The following KCTD16 variants were observed in gnomAD, a reference collection of about 807,000 sequenced individuals.
KCTD16 encodes BTB/POZ domain-containing protein KCTD16.
Under a neutral mutation model 33.2 loss-of-function variants are expected in KCTD16, and 13 were observed. That is an observed-to-expected ratio of 0.39 (90% CI 0.25 to 0.62). The LOEUF (loss-of-function observed/expected upper bound fraction) is 0.62, where lower values mean the gene tolerates loss of function less well. Among genes scored for constraint, KCTD16 ranks in the 20% least tolerant of loss-of-function variants. KCTD16 has a pLI of 0.50. For missense variants in KCTD16, 441 were observed against 525.1 expected, an observed-to-expected ratio of 0.84 and a Z score of 1.57; for synonymous variants, 197 against 195.3, an observed-to-expected ratio of 1.01 and a Z score of -0.07.
At chr5:144,171,976 C>A (rs1252689288) in intron 1 of KCTD16, among the ~76,000 whole-genome samples, 1 of 152,128 alleles carries the variant, frequency 6.6e-6, no homozygotes, top group African/African-American at 2.4e-5. Context: ...GGGTTTATAG[C>A]AATAAAATTT....
intron 3 of KCTD16, among the ~76,000 whole-genome samples, chr5:144,393,166 C>T (rs1752489402): frequency 6.6e-6 from 1 of 152,154 alleles, no homozygotes; most frequent in Non-Finnish European, 1.5e-5. Flanking sequence ...TATAGCTCAT[C>T]ACTGTTGCCC....
intron 3 of KCTD16, among the ~76,000 whole-genome samples, chr5:144,310,488 T>C (rs1751734243): frequency 6.6e-6 from 1 of 152,140 alleles, no homozygotes. Context: ...CTGTTTTCTA[T>C]AGTGGCTATG....
intron 3 of KCTD16, among the ~76,000 whole-genome samples, chr5:144,258,997 G>A (rs1369490280): frequency 6.6e-6 from 1 of 152,070 alleles, no homozygotes. Flanking sequence ...GGTGGCTCAC[G>A]CCTGTAATAC....
At chr5:144,468,562 T>A (rs1023060966) in intron 3 of KCTD16, among the ~76,000 whole-genome samples, 6 of 152,238 alleles carry the variant, frequency 3.9e-5, no homozygotes, top group African/African-American at 1.4e-4. Flanking sequence ...TCTCATAGCC[T>A]GCCTATTCCC....
At chr5:144,455,693 G>A (rs1168881310) in intron 3 of KCTD16, among the ~76,000 whole-genome samples, 1 of 152,192 alleles carries the variant, frequency 6.6e-6, no homozygotes, top group Non-Finnish European at 1.5e-5. Flanking sequence ...TAGCAGGAGG[G>A]TGGAGGAATG....
intron 3 of KCTD16, among the ~76,000 whole-genome samples, chr5:144,386,819 A>G (rs1752334184): frequency 2.0e-5 from 3 of 152,244 alleles, no homozygotes; most frequent in Non-Finnish European, 4.4e-5. Context: ...CTCAGAACTA[A>G]CAATAACAAC....
intron 3 of KCTD16, among the ~76,000 whole-genome samples, chr5:144,329,916 A>G (rs139301542): frequency 9.8e-5 from 15 of 152,322 alleles, no homozygotes; most frequent in East Asian, 1.9e-4. Flanking sequence ...TGAAATTCTC[A>G]TAGGTGGTTT....
chr5:144,383,131 C>A (rs952691622), intron 3 of KCTD16: 1 of 152,120 alleles, frequency 6.6e-6, no homozygotes, highest in Non-Finnish European at 1.5e-5. Flanking sequence ...TTCCCTGGTA[C>A]CTCACAGGTA....
At chr5:144,436,350 T>C (rs1438763060) in intron 3 of KCTD16, among the ~76,000 whole-genome samples, 6 of 152,154 alleles carry the variant, frequency 3.9e-5, no homozygotes, top group African/African-American at 1.4e-4. Flanking sequence ...ACTTAGGATT[T>C]AATTTTTAGG....
At chr5:144,271,860 A>G (rs769893522) in intron 3 of KCTD16, among the ~76,000 whole-genome samples, 2 of 152,124 alleles carry the variant, frequency 1.3e-5, no homozygotes, top group Non-Finnish European at 2.9e-5. Flanking sequence ...TTGTATTTCT[A>G]TATACTAGAA....
intron 2 of KCTD16, among the ~76,000 whole-genome samples, chr5:144,198,822 G>T (rs1371707069): frequency 6.6e-6 from 1 of 152,076 alleles, no homozygotes; most frequent in African/African-American, 2.4e-5. Flanking sequence ...TTACTTTCTC[G>T]TATTCCTCTC....
At chr5:144,213,498 C>G (rs1753464555) in intron 3 of KCTD16, among the ~76,000 whole-genome samples, 1 of 151,420 alleles carries the variant, frequency 6.6e-6, no homozygotes, top group South Asian at 2.1e-4. Context: ...ATCTTGCATT[C>G]TGGGTTTTGC....
rs1290527412 is a variant in KCTD16 at position 144,479,886 on chromosome 5, G to T, written c.*5772G>T. 1 of 151,878 alleles carries T rather than the reference G, an allele frequency of 6.6e-6. No individual in the cohort carries two copies. Among genetic ancestry groups the T allele is most frequent in the African/African-American group, 2.4e-5 (1 of 41,368 alleles). The allele number at this position is 151,878 out of a possible 1,614,324, so 9.4% of individuals were successfully genotyped here. A position where few individuals can be genotyped will look rare whatever the true frequency, so the allele number is the denominator to read the frequency against. On this transcript the variant is annotated 3_prime_UTR_variant, in exon 4 of 4. Transcript: ENST00000512467. ...CAAGGGCTTGTCCTGGAGGAGGGTG[G>T]GGGTAATCTTCCTGTTAATCAGCTT...
At chr5:144,204,815 A>G (rs1753123068) in intron 2 of KCTD16, among the ~76,000 whole-genome samples, 1 of 152,076 alleles carries the variant, frequency 6.6e-6, no homozygotes, top group Non-Finnish European at 1.5e-5. Flanking sequence ...TTGTGGTGGC[A>G]GGCGGATGAA....
At chr5:144,428,067 G>T (rs957225469) in intron 3 of KCTD16, among the ~76,000 whole-genome samples, 1 of 152,108 alleles carries the variant, frequency 6.6e-6, no homozygotes. Flanking sequence ...CAGAGAGGCT[G>T]TGCATGCTCC....
At chr5:144,280,695 C>G (rs189636861) in intron 3 of KCTD16, among the ~76,000 whole-genome samples, 1 of 152,148 alleles carries the variant, frequency 6.6e-6, no homozygotes, top group South Asian at 2.1e-4. Context: ...GAGGCCAAGG[C>G]GGGCGGATCA....
At chr5:144,446,782 T>A (rs1753826038) in intron 3 of KCTD16, among the ~76,000 whole-genome samples, 1 of 152,116 alleles carries the variant, frequency 6.6e-6, no homozygotes, top group African/African-American at 2.4e-5. Context: ...AAGAGATTTA[T>A]GCAGCCAACA....
chr5:144,254,209 C>T (rs1397957329), intron 3 of KCTD16, among the ~76,000 whole-genome samples: 1 of 152,038 alleles, frequency 6.6e-6, no homozygotes, highest in Admixed American at 6.5e-5. Flanking sequence ...GCGATCTCCG[C>T]TCACTGGAAG....
intron 3 of KCTD16, among the ~76,000 whole-genome samples, chr5:144,401,520 C>T (rs556699923): frequency 1.8e-4 from 27 of 152,322 alleles, no homozygotes; most frequent in African/African-American, 5.5e-4. Flanking sequence ...TCTGATTTAG[C>T]TGATGGCTCT....
Sources: allele counts gnomAD v4.1 joint callset (sites outside exome capture counted in the v4.1 genomes callset), GRCh38; gene constraint gnomAD v4.1.1; transcripts MANE v1.5; gene names NCBI Gene and HGNC (gene_info 2026-07-23, HGNC 2026-07-21).